The following NIP7 variants were observed in gnomAD, a reference collection of about 807,000 sequenced individuals.
NIP7 encodes nucleolar pre-rRNA processing protein NIP7, also known as 60S ribosome subunit biogenesis protein NIP7 homolog.
NIP7 carries 12 observed loss-of-function variants against 20.1 expected under a neutral mutation model. That is an observed-to-expected ratio of 0.60 (90% CI 0.38 to 0.97). The LOEUF is 0.97. Among genes scored for constraint, NIP7 ranks in the 50% least tolerant of loss-of-function variants. The probability of loss-of-function intolerance (pLI) is 0.00; values close to 1 mark genes in which losing one functional copy is unlikely to be tolerated. For synonymous variants in NIP7, 103 were observed against 87.2 expected, an observed-to-expected ratio of 1.18 and a Z score of -1.01; for missense variants, 226 against 226.6, an observed-to-expected ratio of 1.00 and a Z score of 0.02.
rs1192686632 is a variant in NIP7, at chr16:69,341,836, T to A, written c.*184T>A. On this transcript the variant is annotated 3_prime_UTR_variant, in exon 5 of 5. Transcript: ENST00000254940. Reference sequence around the variant, plus strand: ...GATTCTTATTATATACAGAGATGGCTCAAAAATGGGGTTTCAGATCTTTGT... The same window carrying A: ...GATTCTTATTATATACAGAGATGGCACAAAAATGGGGTTTCAGATCTTTGT... 5.2e-6 allele frequency: 3 copies of A among 572,010 alleles called. No homozygotes were observed. The highest frequency in any genetic ancestry group is 4.5e-4 in the Middle Eastern group (1 of 2,232). 35.4% of individuals were successfully genotyped at this position (572,010 alleles called of 1,614,324 possible). A position where few individuals can be genotyped will look rare whatever the true frequency, so the allele number is the denominator to read the frequency against.
chr16:69,340,704 C>T, intron 3 of NIP7: 1 of 234,464 alleles, frequency 4.3e-6, no homozygotes, highest in Non-Finnish European at 8.4e-6. Context: ...TTCTTTCTTG[C>T]TCTGTTTTTT....
chr16:69,340,382 A>G (rs2012489301), intron 3 of NIP7, 50 bp downstream of exon 3: 2 of 1,593,158 alleles, frequency 1.3e-6, no homozygotes, highest in African/African-American at 2.7e-5. Context: ...GTCAAGGATT[A>G]GGCAGATTGT....
Position 69,340,280 on chromosome 16 carries a change from A to G in NIP7, c.230A>G (p.His77Arg), listed in dbSNP as rs1366352138. 4 of 1,614,092 alleles carry G rather than the reference A, an allele frequency of 2.5e-6. No homozygotes were observed. In the Admixed American group the frequency reaches 5.0e-5, roughly 20 times the overall value. ...TGCTTTGGAAAATTCACTAAAACCC[A>G]CAAGTTTCGGTTGCACGTCACAGCT... ...GTCFGKFTKT[H>R]KFRLHVTALD... The change falls in exon 3 of 5, where the codon CAC becomes CGC. Residue 77 changes from histidine (H) to arginine (R), a missense_variant. Physicochemically the swap from His to Arg is conservative, Grantham distance 29. Transcript: ENST00000254940.
Position 69,340,099 on chromosome 16 carries a change from C to T in NIP7, c.143+7C>T. The T allele has an allele frequency of 6.2e-7, 1 of 1,613,306 alleles. No homozygotes were observed. The highest frequency in any genetic ancestry group is 8.5e-7 in the Non-Finnish European group (1 of 1,179,962). ...ACCGGGTGTACTATGTGAGGTGAGG[C>T]GGGGCCGGGCAGGCAGCATGGACCC... On this transcript the variant is annotated splice_region_variant and intron_variant, in intron 2 of 4. Coordinates refer to ENST00000254940, the MANE Select transcript of NIP7 (RefSeq NM_016101.5).
rs771517815 is a variant in NIP7 at position 69,340,281 on chromosome 16, C to T, written c.231C>T (p.His77=). 1.2e-6 allele frequency: 2 copies of T among 1,614,142 alleles called. No homozygotes were observed. Among genetic ancestry groups the T allele is most frequent in the South Asian group, 1.1e-5 (1 of 91,084 alleles). The change falls in exon 3 of 5, where the codon CAC becomes CAT. Residue 77 remains histidine (H), a synonymous_variant. Coordinates refer to ENST00000254940, the MANE Select transcript of NIP7 (RefSeq NM_016101.5). ...GTCFGKFTKT[H]KFRLHVTALD... ...GCTTTGGAAAATTCACTAAAACCCACAAGTTTCGGTTGCACGTCACAGCTC... is the reference window on the plus strand; with the variant it reads ...GCTTTGGAAAATTCACTAAAACCCATAAGTTTCGGTTGCACGTCACAGCTC...
chr16:69,340,461 A>G, intron 3 of NIP7, 129 bp downstream of exon 3: 1 of 1,177,958 alleles, frequency 8.5e-7, no homozygotes, highest in Non-Finnish European at 1.2e-6. Context: ...GGAGATGTGT[A>G]GAGGTCTTGC....
Position 69,341,230 on chromosome 16 carries a change from C to T in NIP7, c.333C>T (p.Asn111=). The part of the protein sequence containing the change: ...PGAEQSFLYG[N]HVLKSGLGRI... ...CAGAGCAGTCCTTCCTGTATGGGAA[C>T]CATGTGTTGAAATCTGGTCTGGGTC... The change falls in exon 4 of 5, where the codon AAC becomes AAT. Residue 111 remains asparagine, a synonymous_variant. Coordinates refer to ENST00000254940, the MANE Select transcript of NIP7 (RefSeq NM_016101.5). 6.2e-7 allele frequency: 1 copy of T among 1,613,964 alleles called. No individual in the cohort carries two copies. Among genetic ancestry groups the T allele is most frequent in the African/African-American group, 1.3e-5 (1 of 75,004 alleles).
In NIP7 at chr16:69,341,262, C is replaced by T. The variant is rs769688137; in HGVS notation, c.365C>T (p.Thr122Ile). The change falls in exon 4 of 5, where the codon ACT (threonine) becomes ATT (isoleucine). Residue 122 changes from threonine (T) to isoleucine (I), a missense_variant. Thr to Ile is a moderately conservative substitution (Grantham distance 89). Coordinates refer to ENST00000254940, the MANE Select transcript of NIP7 (RefSeq NM_016101.5). ...HVLKSGLGRI[T>I]ENTSQYQGVV... is the part of the protein sequence containing the mutation. ...TTGAAATCTGGTCTGGGTCGAATCA[C>T]TGAAAATACTTCTCAGTACCAGGGC... 1.4e-5 allele frequency: 23 copies of T among 1,614,136 alleles called. No individual in the cohort carries two copies. The highest frequency in any genetic ancestry group is 1.8e-5 in the Non-Finnish European group (21 of 1,180,002).
chr16:69,342,705 A>G lies in NIP7; in HGVS notation c.*1053A>G, dbSNP rs2012593187. Reference sequence around the variant, plus strand: ...TATGTATTCCTGTTATTAAGTGTAGAGTTTTATGAGTATAATTTGATTTTA... The same window carrying G: ...TATGTATTCCTGTTATTAAGTGTAGGGTTTTATGAGTATAATTTGATTTTA... On this transcript the variant is annotated 3_prime_UTR_variant, in exon 5 of 5. Coordinates refer to ENST00000254940, the MANE Select transcript of NIP7 (RefSeq NM_016101.5). The G allele has an allele frequency of 1.3e-5, 2 of 152,084 alleles. No homozygotes were observed. Among genetic ancestry groups the G allele is most frequent in the Admixed American group, 1.3e-4 (2 of 15,260 alleles). The allele number at this position is 152,084 out of a possible 1,614,324, so 9.4% of individuals were successfully genotyped here. A position where few individuals can be genotyped will look rare whatever the true frequency, so the allele number is the denominator to read the frequency against.
chr16:69,342,255 TG>T lies in NIP7; in HGVS notation c.*605del, dbSNP rs2012578500. On this transcript the variant is annotated 3_prime_UTR_variant, in exon 5 of 5. Coordinates refer to ENST00000254940, the MANE Select transcript of NIP7 (RefSeq NM_016101.5). ...AGACACAAAACTTGAAAATCAGCTT[TG>T]GCCATCTACCTGAGAATTAGAAAGT... The T allele has an allele frequency of 6.6e-6, 1 of 152,258 alleles. No homozygotes were observed. The highest frequency in any genetic ancestry group is 2.1e-4 in the South Asian group (1 of 4,836). The allele number at this position is 152,258 out of a possible 1,614,324, so 9.4% of individuals were successfully genotyped here.
chr16:69,341,360 T>G (rs757370627), intron 4 of NIP7, 40 bp downstream of exon 4: 2 of 1,606,468 alleles, frequency 1.2e-6, no homozygotes, highest in Middle Eastern at 1.7e-4. Flanking sequence ...TCAAGTACTC[T>G]TATTCAAGAA....
At chr16:69,340,936 C>T (rs1041961708) in intron 3 of NIP7, 4 of 375,036 alleles carry the variant, frequency 1.1e-5, no homozygotes, top group African/African-American at 2.1e-5. Context: ...TGGTCTCGAA[C>T]TCCTGGCCTC....
Position 69,340,727 on chromosome 16 carries a change from CTT to C in NIP7, c.282+397_282+398del, listed in dbSNP as rs200976945. ...TGCTCTGTTTTTTCTTTTCATTTCTCTTTCTCTTTCTTCCTGACACAGTTTCA... is the reference window on the plus strand; with the variant it reads ...TGCTCTGTTTTTTCTTTTCATTTCTCTCTCTTTCTTCCTGACACAGTTTCA... On this transcript the variant is annotated intron_variant, in intron 3 of 4. Coordinates refer to ENST00000254940, the MANE Select transcript of NIP7 (RefSeq NM_016101.5). 3.7e-3 allele frequency: 772 copies of C among 207,936 alleles called. 4 individuals carry two copies. Among genetic ancestry groups the C allele is most frequent in the African/African-American group, 0.017 (749 of 42,966 alleles). 12.9% of individuals were successfully genotyped at this position (207,936 alleles called of 1,614,324 possible).
rs748403601 is a variant in NIP7, at chr16:69,341,252, G to C, written c.355G>C (p.Gly119Arg). The change falls in exon 4 of 5, where the codon GGT becomes CGT. Residue 119 changes from glycine (G) to arginine (R), a missense_variant. Physicochemically the swap from Gly to Arg is moderately radical, Grantham distance 125. Transcript: ENST00000254940. ...YGNHVLKSGL[G>R]RITENTSQYQ... ...GAACCATGTGTTGAAATCTGGTCTG[G>C]GTCGAATCACTGAAAATACTTCTCA... 3 of 1,613,988 alleles carry C rather than the reference G, an allele frequency of 1.9e-6. No homozygotes were observed. The African/African-American group carries it at 4.0e-5, about 22-fold the overall frequency.
In NIP7 at chr16:69,339,854, A is replaced by T; in HGVS notation, c.25A>T (p.Thr9Ser). 1 of 1,613,452 alleles carries T rather than the reference A, an allele frequency of 6.2e-7. No homozygotes were observed. Among genetic ancestry groups the T allele is most frequent in the Non-Finnish European group, 8.5e-7 (1 of 1,179,992 alleles). MRPLTEEE[T>S]RVMFEKIAKY... ...AATGCGGCCTTTGACTGAAGAGGAG[A>T]CCCGTGTCATGTTTGAGAAGATAGC... is the stretch of plus-strand genomic sequence containing the variant. Residue 9 changes from threonine to serine, a missense_variant, in exon 1 of 5, where the codon ACC becomes TCC. Thr to Ser is a moderately conservative substitution (Grantham distance 58, BLOSUM62 1). Transcript: ENST00000254940.
chr16:69,341,445 T>C, intron 4 of NIP7, 88 bp from the exon 5 acceptor site: 2 of 1,584,678 alleles, frequency 1.3e-6, no homozygotes, highest in Non-Finnish European at 1.7e-6. Flanking sequence ...ACCAGAACTG[T>C]ATTTTTTCCG....
chr16:69,341,433 A>C, intron 4 of NIP7, 100 bp from the exon 5 acceptor site: 2 of 1,573,822 alleles, frequency 1.3e-6, no homozygotes, highest in Non-Finnish European at 1.7e-6. Context: ...AATCCCAGAA[A>C]GACCAGAACT....
At chr16:69,341,060 A>T in intron 3 of NIP7, 120 bp from the exon 4 acceptor site, 2 of 828,476 alleles carry the variant, frequency 2.4e-6, no homozygotes, top group Non-Finnish European at 3.7e-6. Flanking sequence ...GGAAAACATG[A>T]GTCTCTCTGT....
intron 3 of NIP7, 88 bp downstream of exon 3, chr16:69,340,420 T>G: frequency 2.7e-6 from 4 of 1,501,242 alleles, no homozygotes; most frequent in Non-Finnish European, 3.6e-6. Flanking sequence ...ACAGAGTCCC[T>G]GACAGTGTGC....
Sources: allele counts gnomAD v4.1 joint callset, GRCh38; gene constraint gnomAD v4.1.1; transcripts MANE v1.5; gene names NCBI Gene and HGNC (gene_info 2026-07-23, HGNC 2026-07-21).